LDLRAD3: variants seen among roughly 807,000 people sequenced by gnomAD.
The protein encoded by LDLRAD3 is low-density lipoprotein receptor class A domain-containing protein 3.
LDLRAD3 carries 20 observed loss-of-function variants against 29.4 expected under a neutral mutation model. The ratio of observed to expected loss-of-function variants is 0.68; its 90% CI spans 0.48 to 0.99. The LOEUF (loss-of-function observed/expected upper bound fraction) is 0.99. LDLRAD3 is among the 50% of genes least tolerant of loss of function. LDLRAD3 has a pLI of 0.00. For synonymous variants in LDLRAD3, 157 were observed against 192.7 expected (o/e 0.81, Z 1.53); for missense variants, 420 against 454.3 (o/e 0.92, Z 0.69).
At chr11:36,055,407 G>A (rs1257241264) in intron 2 of LDLRAD3, among the ~76,000 whole-genome samples, 1 of 152,008 alleles carries the variant, frequency 6.6e-6, no homozygotes, top group Non-Finnish European at 1.5e-5. Context: ...TTCAAGCCAT[G>A]GTATCCAGAT....
chr11:36,187,800 A>G (rs1854875408), intron 4 of LDLRAD3, among the ~76,000 whole-genome samples: 1 of 152,330 alleles, frequency 6.6e-6, no homozygotes, highest in Admixed American at 6.5e-5. Flanking sequence ...TGAATGCCAC[A>G]AGGATGATTT....
At chr11:36,122,866 A>G (rs373117503) in intron 4 of LDLRAD3, among the ~76,000 whole-genome samples, 5 of 152,138 alleles carry the variant, frequency 3.3e-5, no homozygotes, top group South Asian at 4.1e-4. Flanking sequence ...TTTTAAATAA[A>G]TAAATAAAAT....
At chr11:36,222,143 C>T (rs989416952) in intron 4 of LDLRAD3, among the ~76,000 whole-genome samples, 1 of 152,086 alleles carries the variant, frequency 6.6e-6, no homozygotes, top group Non-Finnish European at 1.5e-5. Context: ...GGTCATAGCT[C>T]GCTGCAGCCT....
chr11:36,075,015 C>G (rs994690902), intron 2 of LDLRAD3, among the ~76,000 whole-genome samples: 9 of 152,104 alleles, frequency 5.9e-5, no homozygotes, highest in Admixed American at 3.9e-4. Flanking sequence ...TTCCCATTAC[C>G]CAACTGTTAA....
chr11:36,125,882 C>T (rs565312710), intron 4 of LDLRAD3, among the ~76,000 whole-genome samples: 9 of 152,258 alleles, frequency 5.9e-5, no homozygotes, highest in Admixed American at 3.3e-4. Flanking sequence ...TCCGTCCCCT[C>T]CCATAACCCC....
intron 2 of LDLRAD3, among the ~76,000 whole-genome samples, chr11:36,049,667 A>G (rs1852501331): frequency 1.3e-5 from 2 of 152,252 alleles, no homozygotes; most frequent in Admixed American, 1.3e-4. Context: ...TGGGTGTTCT[A>G]GAATCAGTGA....
At chr11:36,048,396 C>T (rs552783160) in intron 2 of LDLRAD3, among the ~76,000 whole-genome samples, 1 of 152,126 alleles carries the variant, frequency 6.6e-6, no homozygotes, top group Non-Finnish European at 1.5e-5. Context: ...CCACCCCCTG[C>T]CCAGGAGGTG....
chr11:36,030,252 CA>C (rs900499698), intron 1 of LDLRAD3, among the ~76,000 whole-genome samples: 9 of 152,218 alleles, frequency 5.9e-5, no homozygotes, highest in African/African-American at 2.2e-4. Flanking sequence ...CAGGCTCCAG[CA>C]GGAAGCAGTT....
Position 36,146,183 on chromosome 11 carries a change from T to A in LDLRAD3, c.454+47722T>A, listed in dbSNP as rs76200308. Among the ~76,000 whole-genome samples the A allele has an allele frequency of 4.6e-3, 702 of 152,228 alleles. 3 individuals are homozygous for A. The highest frequency in any genetic ancestry group is 7.5e-3 in the Non-Finnish European group (508 of 68,006). ...CTCAGCCTCCTGATCACACTCCAAC[T>A]CAAGTTGTCACCCATAAAATCAGAA... On this transcript the variant is annotated intron_variant, in intron 4 of 5. Transcript: ENST00000315571.
intron 4 of LDLRAD3, among the ~76,000 whole-genome samples, chr11:36,128,624 A>G (rs114007687): frequency 0.022 from 3,395 of 152,200 alleles, 123 homozygotes; most frequent in African/African-American, 0.078. Context: ...TGAAGTGGGT[A>G]GATTGCCTGA....
chr11:36,065,630 A>G (rs1852778315), intron 2 of LDLRAD3, among the ~76,000 whole-genome samples: 1 of 152,224 alleles, frequency 6.6e-6, no homozygotes, highest in Non-Finnish European at 1.5e-5. Flanking sequence ...ATCATGACAC[A>G]GAGAATGTTT....
intron 4 of LDLRAD3, among the ~76,000 whole-genome samples, chr11:36,138,086 T>C (rs1033107019): frequency 6.6e-6 from 1 of 152,096 alleles, no homozygotes; most frequent in African/African-American, 2.4e-5. Context: ...GATCAGGGAG[T>C]TGGGTCCAAG....
intron 1 of LDLRAD3, among the ~76,000 whole-genome samples, chr11:36,029,617 C>T (rs1370073198): frequency 4.6e-5 from 7 of 152,152 alleles, no homozygotes; most frequent in Non-Finnish European, 7.3e-5. Flanking sequence ...AGCTATCAGG[C>T]CCTTAATGAG....
chr11:35,944,222 G>A lies in LDLRAD3; in HGVS notation c.46+78G>A, dbSNP rs1036764640. Reference sequence around the variant, plus strand: ...CGGGGCGCAGCGGCCGGGTGCGATCGCGTCCTCTCCCGGGCGCGGGCCGCT... The same window carrying A: ...CGGGGCGCAGCGGCCGGGTGCGATCACGTCCTCTCCCGGGCGCGGGCCGCT... On this transcript the variant is annotated intron_variant, in intron 1 of 5. Transcript: ENST00000315571. The surrounding 1 kb of genome is among the most constrained non-coding windows in gnomAD (Gnocchi z 4.9). 4.9e-5 allele frequency: 42 copies of A among 852,562 alleles called. No individual in the cohort carries two copies. The highest frequency in any genetic ancestry group is 5.6e-5 in the Non-Finnish European group (40 of 708,176). 52.8% of individuals were successfully genotyped at this position (852,562 alleles called of 1,614,324 possible).
chr11:36,164,179 T>A (rs1465963584), intron 4 of LDLRAD3, among the ~76,000 whole-genome samples: 1 of 152,206 alleles, frequency 6.6e-6, no homozygotes, highest in African/African-American at 2.4e-5. Flanking sequence ...TCCCTGTGCA[T>A]CTCATACAAG....
chr11:35,990,759 A>G (rs1306858827), intron 1 of LDLRAD3, among the ~76,000 whole-genome samples: 1 of 152,000 alleles, frequency 6.6e-6, no homozygotes, highest in Non-Finnish European at 1.5e-5. Flanking sequence ...TCTGTGTCCA[A>G]ATTTCCCTCT....
rs182595670 is a variant in LDLRAD3 at position 36,073,829 on chromosome 11, C to G, written c.194-7824C>G. ...ATTATTCATATTTTCACTCTTTTCT[C>G]TTTCTCCCATAAAACCTAGTCCTCT... On this transcript the variant is annotated intron_variant, in intron 2 of 5. Transcript: ENST00000315571. 1.7e-3 allele frequency among the ~76,000 whole-genome samples: 261 copies of G among 152,320 alleles called. 1 individual carries two copies. The highest frequency in any genetic ancestry group is 6.0e-3 in the African/African-American group (251 of 41,568).
At chr11:36,029,762 C>T (rs996111781) in intron 1 of LDLRAD3, among the ~76,000 whole-genome samples, 2 of 152,114 alleles carry the variant, frequency 1.3e-5, no homozygotes, top group Admixed American at 1.3e-4. Flanking sequence ...AAGAAAGGAA[C>T]GAAGCCTTTA....
At chr11:36,060,278 C>T (rs527259373) in intron 2 of LDLRAD3, among the ~76,000 whole-genome samples, 10 of 148,952 alleles carry the variant, frequency 6.7e-5, no homozygotes, top group South Asian at 2.1e-4. Context: ...GGCGTGAACC[C>T]GGGAGGCGGA....
Sources: allele counts gnomAD v4.1 joint callset (sites outside exome capture counted in the v4.1 genomes callset), GRCh38; gene constraint gnomAD v4.1.1; non-coding constraint Gnocchi (gnomAD v3.1); transcripts MANE v1.5; gene names NCBI Gene and HGNC (gene_info 2026-07-23, HGNC 2026-07-21).